The following AUTS2 variants were observed in gnomAD, a reference collection of about 807,000 sequenced individuals.
The protein encoded by AUTS2 is autism susceptibility gene 2 protein.
In AUTS2, 17 loss-of-function variants were observed where a neutral mutation model predicts 112.4. The ratio of observed to expected loss-of-function variants is 0.15; its 90% CI spans 0.10 to 0.23. The LOEUF (loss-of-function observed/expected upper bound fraction) is 0.23, where lower values mean the gene tolerates loss of function less well. AUTS2 is among the 10% of genes least tolerant of loss of function. The pLI is 1.00. For missense variants in AUTS2, 1,510 were observed against 1,701.6 expected, an observed-to-expected ratio of 0.89 and a Z score of 1.98; for synonymous variants, 751 against 702.7, an observed-to-expected ratio of 1.07 and a Z score of -1.09.
chr7:70,367,577 A>AAAT (rs35678927), intron 4 of AUTS2, among the ~76,000 whole-genome samples: 23,330 of 150,228 alleles, frequency 0.16, 2,073 homozygotes, highest in Non-Finnish European at 0.19. Context: ...AAATTGTAAA[A>AAAT]AATAATAATA....
At chr7:70,531,376 G>A (rs555157262) in intron 5 of AUTS2, among the ~76,000 whole-genome samples, 11 of 152,292 alleles carry the variant, frequency 7.2e-5, no homozygotes, top group Admixed American at 4.6e-4. Context: ...GGTTGTCTTA[G>A]TCCATTTTAT....
intron 1 of AUTS2, among the ~76,000 whole-genome samples, chr7:69,737,915 G>A (rs1237940133): frequency 6.6e-6 from 1 of 152,126 alleles, no homozygotes; most frequent in Non-Finnish European, 1.5e-5. Context: ...AAATCAAATC[G>A]GAAACATTGG....
chr7:70,315,077 G>GT (rs1789932724), intron 4 of AUTS2, among the ~76,000 whole-genome samples: 1 of 152,126 alleles, frequency 6.6e-6, no homozygotes, highest in African/African-American at 2.4e-5. Flanking sequence ...TAATAAAATA[G>GT]TTTCTTAATA....
intron 1 of AUTS2, among the ~76,000 whole-genome samples, chr7:69,767,241 G>A (rs1487964191): frequency 2.7e-5 from 4 of 148,976 alleles, no homozygotes; most frequent in Non-Finnish European, 6.0e-5. Flanking sequence ...GTGCAGTGGC[G>A]TGATCATGGC....
chr7:70,131,057 A>G (rs1806245091), intron 3 of AUTS2, among the ~76,000 whole-genome samples: 1 of 152,156 alleles, frequency 6.6e-6, no homozygotes, highest in Non-Finnish European at 1.5e-5. Flanking sequence ...TTTGACTCAC[A>G]GCCTTTTCAG....
At chr7:69,995,068 T>C (rs1049147817) in intron 2 of AUTS2, among the ~76,000 whole-genome samples, 1 of 152,170 alleles carries the variant, frequency 6.6e-6, no homozygotes, top group Non-Finnish European at 1.5e-5. Context: ...ATTTTAAATA[T>C]TGGCATACCT....
intron 1 of AUTS2, among the ~76,000 whole-genome samples, chr7:69,645,799 G>A (rs776903223): frequency 6.6e-6 from 1 of 151,946 alleles, no homozygotes; most frequent in Non-Finnish European, 1.5e-5. Context: ...GGCTCCTGCT[G>A]TGTTACCTTA....
At position 69,899,490 on chromosome 7, in the gene AUTS2, C is replaced by G; in HGVS notation, c.514C>G (p.Leu172Val). ...LGKRKKMPKA[L>V]RQLKPGQNSC... ...GAAGAGAAAGAAAATGCCGAAGGCA[C>G]TCAGACAGGTGAGGAAGCTTGGGTT... The change falls in exon 2 of 19, where the codon CTC (leucine) becomes GTC (valine). Residue 172 changes from leucine (L) to valine (V), a missense_variant. Physicochemically the swap from Leu to Val is conservative, Grantham distance 32. Around this residue, in one of 3 missense-constraint regions of AUTS2, gnomAD observed 535 missense variants for 594.3 expected, o/e 0.90. Transcript: ENST00000342771. 6.2e-7 allele frequency: 1 copy of G among 1,613,972 alleles called. No homozygotes were observed. Among genetic ancestry groups the G allele is most frequent in the Non-Finnish European group, 8.5e-7 (1 of 1,179,860 alleles).
chr7:70,300,176 GGAA>G (rs894643755), intron 4 of AUTS2, among the ~76,000 whole-genome samples: 6 of 152,102 alleles, frequency 3.9e-5, no homozygotes, highest in African/African-American at 1.2e-4. Context: ...GGGCTACATT[GGAA>G]GAAGAATTGT....
At chr7:69,714,609 C>A (rs1314037885) in intron 1 of AUTS2, among the ~76,000 whole-genome samples, 1 of 152,090 alleles carries the variant, frequency 6.6e-6, no homozygotes, top group Non-Finnish European at 1.5e-5. Context: ...ATTACTGAAG[C>A]TTTATATTAA....
At chr7:69,706,699 C>T (rs1450490923) in intron 1 of AUTS2, among the ~76,000 whole-genome samples, 1 of 152,114 alleles carries the variant, frequency 6.6e-6, no homozygotes, top group Non-Finnish European at 1.5e-5. Flanking sequence ...TATGTCTTTT[C>T]TTTCCTTTCT....
At chr7:69,786,404 T>C (rs1789378480) in intron 1 of AUTS2, among the ~76,000 whole-genome samples, 1 of 152,306 alleles carries the variant, frequency 6.6e-6, no homozygotes, top group African/African-American at 2.4e-5. Context: ...GTCAGCACTC[T>C]GTAAAATGGA....
rs71549341 is a variant in AUTS2 at position 70,019,286 on chromosome 7, G to A, written c.523-98846G>A. Reference sequence around the variant, plus strand: ...GGAGGGTGGAAGGTGGGAGGATGAAGAGGTTCTGGAAAAATAACTAATGGG... The same window carrying A: ...GGAGGGTGGAAGGTGGGAGGATGAAAAGGTTCTGGAAAAATAACTAATGGG... On this transcript the variant is annotated intron_variant, in intron 2 of 18. Transcript: ENST00000342771. Among the ~76,000 whole-genome samples, 771 of 152,234 alleles carry A rather than the reference G, an allele frequency of 5.1e-3. 14 individuals are homozygous for A. The highest frequency in any genetic ancestry group is 0.017 in the African/African-American group (719 of 41,542).
At chr7:70,091,832 A>T (rs939312805) in intron 2 of AUTS2, among the ~76,000 whole-genome samples, 2 of 152,224 alleles carry the variant, frequency 1.3e-5, no homozygotes, top group East Asian at 3.8e-4. Flanking sequence ...TATACCCAAC[A>T]TGTAGGAATA....
intron 2 of AUTS2, among the ~76,000 whole-genome samples, chr7:69,958,030 G>A (rs944904292): frequency 2.6e-5 from 4 of 152,124 alleles, no homozygotes; most frequent in East Asian, 1.9e-4. Flanking sequence ...CGAAGGACAG[G>A]CATTCATGGA....
intron 3 of AUTS2, among the ~76,000 whole-genome samples, chr7:70,127,917 C>A (rs1003941710): frequency 6.6e-6 from 1 of 152,090 alleles, no homozygotes; most frequent in Non-Finnish European, 1.5e-5. Flanking sequence ...TTCTTTCTTT[C>A]TTCCTCCCTT....
At chr7:70,769,991 CACCTGGAG>C (rs1790233758) in intron 10 of AUTS2, among the ~76,000 whole-genome samples, 1 of 152,084 alleles carries the variant, frequency 6.6e-6, no homozygotes, top group South Asian at 2.1e-4. Flanking sequence ...GGGAAAAGCC[CACCTGGAG>C]GCAGAATACT....
intron 1 of AUTS2, among the ~76,000 whole-genome samples, chr7:69,691,530 C>A (rs1428565939): frequency 6.6e-6 from 1 of 152,146 alleles, no homozygotes; most frequent in Non-Finnish European, 1.5e-5. Flanking sequence ...GTACACCTGA[C>A]TGGGTCGCGG....
chr7:69,711,714 C>T (rs1032868514), intron 1 of AUTS2, among the ~76,000 whole-genome samples: 8 of 152,054 alleles, frequency 5.3e-5, no homozygotes, highest in South Asian at 4.1e-4. Context: ...ATTATTAGCT[C>T]GATTCCTTAC....
Sources: allele counts gnomAD v4.1 joint callset (sites outside exome capture counted in the v4.1 genomes callset), GRCh38; gene constraint gnomAD v4.1.1; regional missense constraint gnomAD v4.1.1; transcripts MANE v1.5; gene names NCBI Gene and HGNC (gene_info 2026-07-23, HGNC 2026-07-21).